IL1RAPL2: variants seen among roughly 807,000 people sequenced by gnomAD.
The protein encoded by IL1RAPL2 is interleukin 1 receptor accessory protein like 2, also known as X-linked interleukin-1 receptor accessory protein-like 2.
In IL1RAPL2, 3 loss-of-function variants were observed where a neutral mutation model predicts 44.1. That is an observed-to-expected ratio of 0.07 (90% CI 0.03 to 0.18). The LOEUF (loss-of-function observed/expected upper bound fraction) is 0.18. Ranked by LOEUF, IL1RAPL2 falls within the 10% of genes least tolerant of loss-of-function variation. The probability of loss-of-function intolerance (pLI) is 1.00; values close to 1 mark genes in which losing one functional copy is unlikely to be tolerated. For synonymous variants in IL1RAPL2, 181 were observed against 178.8 expected (o/e 1.01, Z -0.10); for missense variants, 391 against 496.4 (o/e 0.79, Z 2.02).
chrX:104,824,439 G>T (rs1293527193), intron 2 of IL1RAPL2, among the ~76,000 whole-genome samples: 5 of 111,701 alleles, frequency 4.5e-5, no homozygotes, highest in African/African-American at 1.6e-4. Flanking sequence ...TTTTTCAATT[G>T]TTTGGAATAC....
chrX:105,350,280 T>A (rs369585432), intron 5 of IL1RAPL2, among the ~76,000 whole-genome samples: 1 of 112,099 alleles, frequency 8.9e-6, no homozygotes, highest in East Asian at 2.8e-4. Context: ...AGTGTTGGAA[T>A]GAATCCTGAA....
chrX:104,992,916 A>C (rs2030688254), intron 2 of IL1RAPL2, among the ~76,000 whole-genome samples: 1 of 111,513 alleles, frequency 9.0e-6, no homozygotes, highest in Admixed American at 9.6e-5. Context: ...CTTGAGTTAG[A>C]GTCCACAGCT....
intron 1 of IL1RAPL2, among the ~76,000 whole-genome samples, chrX:104,628,297 A>C (rs1341521138): frequency 9.0e-6 from 1 of 110,779 alleles, no homozygotes; most frequent in Non-Finnish European, 1.9e-5. Flanking sequence ...TTTTTCATCT[A>C]GCTATATATC....
intron 2 of IL1RAPL2, among the ~76,000 whole-genome samples, chrX:104,804,819 T>C (rs1212933423): frequency 8.9e-6 from 1 of 112,768 alleles, no homozygotes; most frequent in Non-Finnish European, 1.9e-5. Context: ...CATGATGATC[T>C]ATTAAATTGG....
intron 1 of IL1RAPL2, among the ~76,000 whole-genome samples, chrX:104,612,621 G>T (rs1237054783): frequency 1.8e-5 from 2 of 111,559 alleles, no homozygotes; most frequent in African/African-American, 6.5e-5. Context: ...GATGCCTCCA[G>T]CTTTCTTTTT....
chrX:105,717,452 G>T lies in IL1RAPL2; in HGVS notation c.858G>T (p.Lys286Asn), dbSNP rs2038266439. 1 of 1,203,343 alleles carries T rather than the reference G, an allele frequency of 8.3e-7. No individual in the cohort carries two copies. Among genetic ancestry groups the T allele is most frequent in the African/African-American group, 1.8e-5 (1 of 56,967 alleles). Residue 286 changes from lysine (K) to asparagine (N), a missense_variant, in exon 7 of 11, where the codon AAG (lysine) becomes AAT (asparagine). Transcript: ENST00000372582. Reference protein sequence around the residue: ...GPMIYWMKGEKFIEELAGHIR... With the variant: ...GPMIYWMKGENFIEELAGHIR... Reference sequence around the variant, plus strand: ...TGATCTACTGGATGAAAGGAGAAAAGTTTATTGAAGAACTGGCAGGTCACA... The same window carrying T: ...TGATCTACTGGATGAAAGGAGAAAATTTTATTGAAGAACTGGCAGGTCACA...
chrX:104,755,659 A>AATTTAGAG (rs1932329968), intron 2 of IL1RAPL2, among the ~76,000 whole-genome samples: 1 of 110,910 alleles, frequency 9.0e-6, no homozygotes. Flanking sequence ...TCAGAACTTC[A>AATTTAGAG]ATTTAGAGTC....
Position 104,844,236 on chromosome X carries a change from A to T in IL1RAPL2, c.82+185241A>T, listed in dbSNP as rs754623271. Among the ~76,000 whole-genome samples, 481 of 111,252 alleles carry T rather than the reference A, an allele frequency of 4.3e-3. 2 individuals carry two copies. The highest frequency in any genetic ancestry group is 0.015 in the African/African-American group (455 of 30,611). ...CTTCTTTAAACATTAAAAATAGAAT[A>T]ATTGCACCAAGTGGTACAGATCAAT... On this transcript the variant is annotated intron_variant, in intron 2 of 10. Transcript: ENST00000372582.
At chrX:104,628,950 C>T (rs1164529260) in intron 1 of IL1RAPL2, among the ~76,000 whole-genome samples, 1 of 111,632 alleles carries the variant, frequency 9.0e-6, no homozygotes, top group Admixed American at 9.6e-5. Context: ...TACATTCATA[C>T]TATGGAATAC....
At chrX:105,292,140 T>A (rs1215161979) in intron 5 of IL1RAPL2, among the ~76,000 whole-genome samples, 1 of 111,894 alleles carries the variant, frequency 8.9e-6, no homozygotes, top group Non-Finnish European at 1.9e-5. Flanking sequence ...ATAAAATGTA[T>A]CAACATTTAG....
intron 2 of IL1RAPL2, among the ~76,000 whole-genome samples, chrX:104,973,261 A>G (rs1481576519): frequency 8.9e-6 from 1 of 112,032 alleles, no homozygotes; most frequent in Non-Finnish European, 1.9e-5. Flanking sequence ...CCTTTGCTCA[A>G]GGGACTTACA....
In IL1RAPL2 at chrX:105,219,088, T is replaced by C. The variant is rs373628776; in HGVS notation, c.357-14730T>C. 18 of 1,209,090 alleles carry C rather than the reference T, an allele frequency of 1.5e-5. No homozygotes were observed. The African/African-American group carries it at 3.2e-4, about 21-fold the overall frequency. ...TGGCCTGCGATATACTGGAGGTCTT[T>C]GCTGATGAGGTTCGGAGTATCTCCT... On this transcript the variant is annotated intron_variant, in intron 3 of 10. Transcript: ENST00000372582.
intron 2 of IL1RAPL2, among the ~76,000 whole-genome samples, chrX:104,950,683 T>TTTTG (rs200154611): frequency 1.4e-4 from 15 of 107,221 alleles, no homozygotes; most frequent in African/African-American, 3.8e-4. Flanking sequence ...GTGAGCTGTT[T>TTTTG]TTTGTTTGTT....
chrX:105,759,837 G>A (rs1004897808), intron 10 of IL1RAPL2, among the ~76,000 whole-genome samples: 2 of 111,936 alleles, frequency 1.8e-5, no homozygotes, highest in African/African-American at 6.5e-5. Context: ...AAACATTTTT[G>A]TACATGGATC....
chrX:104,961,378 T>C lies in IL1RAPL2; in HGVS notation c.83-234097T>C, dbSNP rs142512006. Among the ~76,000 whole-genome samples, 482 of 112,052 alleles carry C rather than the reference T, an allele frequency of 4.3e-3. 3 individuals are homozygous for C. Among genetic ancestry groups the C allele is most frequent in the African/African-American group, 0.014 (442 of 30,817 alleles). On this transcript the variant is annotated intron_variant, in intron 2 of 10. Coordinates refer to ENST00000372582, the MANE Select transcript of IL1RAPL2 (RefSeq NM_017416.2). The stretch of plus-strand genomic sequence containing the variant: ...TGTTTGACCAGAGATCTGAATTAGC[T>C]TTTCAGATTTGTCTGAGTTGCTGGA...
At chrX:105,371,909 C>A (rs1188101033) in intron 5 of IL1RAPL2, among the ~76,000 whole-genome samples, 1 of 111,247 alleles carries the variant, frequency 9.0e-6, no homozygotes, top group Non-Finnish European at 1.9e-5. Context: ...GAGATGATAT[C>A]CCGTTCAGGG....
intron 2 of IL1RAPL2, among the ~76,000 whole-genome samples, chrX:104,739,668 G>C (rs1036157835): frequency 3.6e-5 from 4 of 111,943 alleles, no homozygotes; most frequent in African/African-American, 1.3e-4. Flanking sequence ...AGGCAAGTAA[G>C]AAAGAATCGT....
rs1164210915 is a variant in IL1RAPL2, at chrX:104,834,625, A to G, written c.82+175630A>G. On this transcript the variant is annotated intron_variant, in intron 2 of 10. Transcript: ENST00000372582. Reference sequence around the variant, plus strand: ...TAGCCTCTGATATAAACATTCACAAAGACTTGTTGATGAATAAACATATAA... The same window carrying G: ...TAGCCTCTGATATAAACATTCACAAGGACTTGTTGATGAATAAACATATAA... Among the ~76,000 whole-genome samples, 5 of 112,243 alleles carry G rather than the reference A, an allele frequency of 4.5e-5. No homozygotes were observed. The East Asian group carries it at 1.1e-3, about 25-fold the overall frequency.
At chrX:104,906,561 A>G (rs1452316774) in intron 2 of IL1RAPL2, among the ~76,000 whole-genome samples, 2 of 111,980 alleles carry the variant, frequency 1.8e-5, no homozygotes, top group African/African-American at 6.5e-5. Flanking sequence ...CTATTGAGAT[A>G]ATCATGTGGT....
Sources: gnomAD v4.1 joint callset for allele counts (sites outside exome capture counted in the v4.1 genomes callset) on GRCh38, gnomAD v4.1.1 for gene constraint, MANE v1.5 for transcripts, NCBI Gene and HGNC (gene_info 2026-07-23, HGNC 2026-07-21) for gene names.